The following SCAPER variants were observed in gnomAD, a reference collection of about 807,000 sequenced individuals.
SCAPER encodes the protein S-phase cyclin A associated protein in the ER.
In SCAPER, 98 loss-of-function variants were observed where a neutral mutation model predicts 182.2. That is an observed-to-expected ratio of 0.54 (90% CI 0.46 to 0.64). The LOEUF (loss-of-function observed/expected upper bound fraction) is 0.64, where lower values mean the gene tolerates loss of function less well. Ranked by LOEUF, SCAPER falls within the 30% of genes least tolerant of loss-of-function variation. SCAPER has a pLI of 0.00. For missense variants in SCAPER, 1,432 were observed against 1,690.0 expected, an observed-to-expected ratio of 0.85 and a Z score of 2.68; for synonymous variants, 605 against 564.6, an observed-to-expected ratio of 1.07 and a Z score of -1.01.
intron 15 of SCAPER, among the ~76,000 whole-genome samples, chr15:76,746,645 A>G (rs1252672286): frequency 6.6e-6 from 1 of 152,264 alleles, no homozygotes; most frequent in Non-Finnish European, 1.5e-5. Context: ...CTAAAAAGCT[A>G]TTAAAACTAA....
chr15:76,785,076 C>T lies in SCAPER; in HGVS notation c.773-9959G>A, dbSNP rs151250625. On this transcript the variant is annotated intron_variant, in intron 8 of 31. Coordinates refer to ENST00000563290, the MANE Select transcript of SCAPER (RefSeq NM_020843.4). ...GCTTCTGCAGAGCAGAGCAAACTAC[C>T]GTCAGAGTGAACAGGCATCCTACAG... 4.3e-4 allele frequency among the ~76,000 whole-genome samples: 65 copies of T among 152,300 alleles called. 1 individual carries two copies. The East Asian group carries it at 0.011, about 26-fold the overall frequency.
chr15:76,860,254 T>C (rs1245484036), intron 3 of SCAPER, among the ~76,000 whole-genome samples: 1 of 152,162 alleles, frequency 6.6e-6, no homozygotes, highest in Non-Finnish European at 1.5e-5. Flanking sequence ...ATTTATAATA[T>C]ACAGAATTTT....
chr15:76,607,382 A>T (rs1459803700), intron 22 of SCAPER, among the ~76,000 whole-genome samples: 1 of 152,192 alleles, frequency 6.6e-6, no homozygotes, highest in Non-Finnish European at 1.5e-5. Flanking sequence ...CTGCTGAGAG[A>T]TCAGCTGTTC....
At position 76,348,012 on chromosome 15, in the gene SCAPER, T is replaced by C. The variant is rs1423545558; in HGVS notation, c.*621A>G. ...ATCTTTTTTATCACTAATTTTTCCT[T>C]AGGAGAGTAATTTCAGCTCGGCAAT... On this transcript the variant is annotated 3_prime_UTR_variant, in exon 32 of 32. Transcript: ENST00000563290. 1 of 152,230 alleles carries C rather than the reference T, an allele frequency of 6.6e-6. No individual in the cohort carries two copies. Among genetic ancestry groups the C allele is most frequent in the Non-Finnish European group, 1.5e-5 (1 of 68,052 alleles). 9.4% of individuals were successfully genotyped at this position (152,230 alleles called of 1,614,324 possible). A position where few individuals can be genotyped will look rare whatever the true frequency, so the allele number is the denominator to read the frequency against.
At chr15:76,418,492 C>G (rs67656752) in intron 26 of SCAPER, among the ~76,000 whole-genome samples, 26,778 of 152,174 alleles carry the variant, frequency 0.18, 2,856 homozygotes, top group Middle Eastern at 0.26. Flanking sequence ...TGGGCACTCC[C>G]CACATCTGTA....
At chr15:76,627,819 G>T (rs2052729491) in intron 21 of SCAPER, among the ~76,000 whole-genome samples, 1 of 152,072 alleles carries the variant, frequency 6.6e-6, no homozygotes, top group Non-Finnish European at 1.5e-5. Context: ...TAATGAGATT[G>T]CTGGGTAAAA....
chr15:76,713,011 T>C (rs2059674390), intron 17 of SCAPER, among the ~76,000 whole-genome samples: 1 of 152,158 alleles, frequency 6.6e-6, no homozygotes, highest in African/African-American at 2.4e-5. Context: ...ATCCCTGTCT[T>C]GTGCCAGTTT....
intron 22 of SCAPER, among the ~76,000 whole-genome samples, chr15:76,590,891 A>ATGAGTGGAAC (rs1163630312): frequency 1.3e-5 from 2 of 152,248 alleles, no homozygotes; most frequent in Non-Finnish European, 2.9e-5. Context: ...TTGCAGCAAC[A>ATGAGTGGAAC]TGAGTGGAAC....
chr15:76,535,218 A>G (rs1192532404), intron 23 of SCAPER, among the ~76,000 whole-genome samples: 1 of 152,136 alleles, frequency 6.6e-6, no homozygotes, highest in Admixed American at 6.5e-5. Flanking sequence ...ATCCTCTGCT[A>G]AGAGTATAAG....
chr15:76,513,277 G>T (rs1330681301), intron 23 of SCAPER, among the ~76,000 whole-genome samples: 1 of 152,130 alleles, frequency 6.6e-6, no homozygotes, highest in African/African-American at 2.4e-5. Context: ...TGTGAGATAT[G>T]ATAGATTAAC....
intron 23 of SCAPER, among the ~76,000 whole-genome samples, chr15:76,511,493 C>T (rs2042020478): frequency 6.6e-6 from 1 of 152,160 alleles, no homozygotes; most frequent in Non-Finnish European, 1.5e-5. Flanking sequence ...CCAGGGACAA[C>T]TTCTTCACAG....
intron 23 of SCAPER, among the ~76,000 whole-genome samples, chr15:76,570,587 T>G (rs1190740912): frequency 6.6e-6 from 1 of 152,146 alleles, no homozygotes; most frequent in Non-Finnish European, 1.5e-5. Context: ...AAGCTTACCT[T>G]TTATTTCCTC....
chr15:76,608,255 G>C (rs1304173316), intron 22 of SCAPER, among the ~76,000 whole-genome samples: 6 of 152,208 alleles, frequency 3.9e-5, no homozygotes, highest in Admixed American at 3.3e-4. Flanking sequence ...CTCAGCTGCA[G>C]GTCTGTTAGA....
At chr15:76,682,263 T>A (rs1392893322) in intron 20 of SCAPER, among the ~76,000 whole-genome samples, 1 of 112,512 alleles carries the variant, frequency 8.9e-6, no homozygotes, top group Non-Finnish European at 1.9e-5. Flanking sequence ...CTCACCTCCC[T>A]TCCCCCCCCC....
intron 10 of SCAPER, among the ~76,000 whole-genome samples, chr15:76,768,323 A>T (rs760931191): frequency 5.9e-5 from 9 of 152,222 alleles, no homozygotes; most frequent in Non-Finnish European, 1.0e-4. Flanking sequence ...TGAATAAATA[A>T]AATGTGGTAT....
chr15:76,521,568 G>C (rs940357735), intron 23 of SCAPER, among the ~76,000 whole-genome samples: 7 of 152,080 alleles, frequency 4.6e-5, no homozygotes, highest in Non-Finnish European at 8.8e-5. Context: ...TTGTGTCCCT[G>C]ATGTTACAAT....
At position 76,438,818 on chromosome 15, in the gene SCAPER, T is replaced by G. The variant is rs193265391; in HGVS notation, c.3079-4508A>C. Among the ~76,000 whole-genome samples the G allele has an allele frequency of 7.9e-5, 12 of 152,350 alleles. No individual in the cohort carries two copies. In the East Asian group the frequency reaches 2.1e-3, roughly 27 times the overall value. On this transcript the variant is annotated intron_variant, in intron 25 of 31. Coordinates refer to ENST00000563290, the MANE Select transcript of SCAPER (RefSeq NM_020843.4). Reference sequence around the variant, plus strand: ...CAAATTTTTTTCATAGAAAATTTCATTTTTTCATTTAGATTGGCCCTTTCA... The same window carrying G: ...CAAATTTTTTTCATAGAAAATTTCAGTTTTTCATTTAGATTGGCCCTTTCA...
chr15:76,495,991 G>GACACACACACAC (rs1393549578), intron 24 of SCAPER, among the ~76,000 whole-genome samples: 5 of 100,974 alleles, frequency 5.0e-5, no homozygotes, highest in African/African-American at 4.2e-5. Context: ...GCAAAAGAGA[G>GACACACACACAC]AGACACACAC....
At chr15:76,435,631 G>A (rs2047150364) in intron 25 of SCAPER, among the ~76,000 whole-genome samples, 1 of 152,100 alleles carries the variant, frequency 6.6e-6, no homozygotes, top group South Asian at 2.1e-4. Context: ...TCTCATTTTG[G>A]TGTAGGGTCT....
Sources: gnomAD v4.1 joint callset for allele counts (sites outside exome capture counted in the v4.1 genomes callset) on GRCh38, gnomAD v4.1.1 for gene constraint, MANE v1.5 for transcripts, NCBI Gene and HGNC (gene_info 2026-07-23, HGNC 2026-07-21) for gene names.